The following NRXN3 variants were observed in gnomAD, a reference collection of about 807,000 sequenced individuals.
NRXN3 encodes the protein neurexin 3.
NRXN3 carries 32 observed loss-of-function variants against 137.6 expected under a neutral mutation model. That is an observed-to-expected ratio of 0.23 (90% CI 0.18 to 0.31). The LOEUF (loss-of-function observed/expected upper bound fraction) is 0.31. NRXN3 is among the 10% of genes least tolerant of loss of function. NRXN3 has a pLI of 1.00. For missense variants in NRXN3, 1,574 were observed against 2,062.5 expected (o/e 0.76, Z 4.59); for synonymous variants, 798 against 784.5 (o/e 1.02, Z -0.29).
intron 15 of NRXN3, among the ~76,000 whole-genome samples, chr14:79,333,531 C>T (rs1171162436): frequency 2.0e-5 from 3 of 152,116 alleles, no homozygotes; most frequent in Non-Finnish European, 4.4e-5. Flanking sequence ...TTCTTCTTCC[C>T]ACCATTGGAG....
intron 15 of NRXN3, among the ~76,000 whole-genome samples, chr14:79,453,047 T>C (rs1427187164): frequency 6.6e-6 from 1 of 152,242 alleles, no homozygotes; most frequent in Non-Finnish European, 1.5e-5. Flanking sequence ...TGATCTCTTA[T>C]GTGGCTCTTG....
intron 15 of NRXN3, among the ~76,000 whole-genome samples, chr14:79,105,477 T>C (rs1167738735): frequency 6.6e-6 from 1 of 152,130 alleles, no homozygotes; most frequent in Non-Finnish European, 1.5e-5. Context: ...ACAATACATT[T>C]CTCTGGTTGA....
intron 4 of NRXN3, among the ~76,000 whole-genome samples, chr14:78,327,579 T>A (rs1161655052): frequency 6.6e-6 from 1 of 152,158 alleles, no homozygotes; most frequent in East Asian, 1.9e-4. Context: ...GGATTTTTGT[T>A]GTTGTTTGGC....
At chr14:78,266,169 A>G (rs778950912) in intron 2 of NRXN3, among the ~76,000 whole-genome samples, 1 of 152,226 alleles carries the variant, frequency 6.6e-6, no homozygotes, top group Non-Finnish European at 1.5e-5. Flanking sequence ...TTAGAGTACA[A>G]CAGAAATTAT....
At position 79,603,774 on chromosome 14, in the gene NRXN3, C is replaced by T. The variant is rs558317643; in HGVS notation, c.3445-60004C>T. Among the ~76,000 whole-genome samples the T allele has an allele frequency of 2.9e-3, 446 of 152,038 alleles. 3 individuals carry two copies. Among genetic ancestry groups the T allele is most frequent in the African/African-American group, 0.011 (440 of 41,456 alleles). Reference sequence around the variant, plus strand: ...TTCAGTTAATGAAAACTTGGTACAACCAAAGGAAAATGAATTATCAGAGTT... The same window carrying T: ...TTCAGTTAATGAAAACTTGGTACAATCAAAGGAAAATGAATTATCAGAGTT... On this transcript the variant is annotated intron_variant, in intron 16 of 20. Coordinates refer to ENST00000335750, the MANE Select transcript of NRXN3 (RefSeq NM_001330195.2).
intron 15 of NRXN3, among the ~76,000 whole-genome samples, chr14:79,284,685 G>A (rs1387285019): frequency 6.6e-6 from 1 of 152,008 alleles, no homozygotes; most frequent in African/African-American, 2.4e-5. Flanking sequence ...CAGAAGTGGT[G>A]GTGATGGGCC....
chr14:79,150,630 C>A (rs2059711747), intron 15 of NRXN3, among the ~76,000 whole-genome samples: 1 of 151,778 alleles, frequency 6.6e-6, no homozygotes, highest in African/African-American at 2.4e-5. Context: ...ATCAGACCTC[C>A]CAGTAGGAGA....
chr14:78,292,651 G>A (rs1181884880), intron 3 of NRXN3, among the ~76,000 whole-genome samples: 1 of 152,096 alleles, frequency 6.6e-6, no homozygotes, highest in African/African-American at 2.4e-5. Context: ...TTTGACATTG[G>A]CAATTCTTAA....
intron 15 of NRXN3, among the ~76,000 whole-genome samples, chr14:79,212,822 A>G (rs550177565): frequency 6.6e-6 from 1 of 152,126 alleles, no homozygotes; most frequent in Admixed American, 6.5e-5. Flanking sequence ...TCTAGGAGAG[A>G]CATATAGTAT....
chr14:78,453,354 G>T (rs1341484400), intron 4 of NRXN3, among the ~76,000 whole-genome samples: 1 of 152,226 alleles, frequency 6.6e-6, no homozygotes, highest in Admixed American at 6.5e-5. Flanking sequence ...GGAAAATAAG[G>T]CAAGGTGCCT....
rs878859470 is a variant in NRXN3, at chr14:78,462,241, A to G, written c.757+164381A>G. 2.6e-5 allele frequency among the ~76,000 whole-genome samples: 4 copies of G among 152,306 alleles called. No homozygotes were observed. In the South Asian group the frequency reaches 6.2e-4, roughly 24 times the overall value. On this transcript the variant is annotated intron_variant, in intron 4 of 20. Transcript: ENST00000335750. The stretch of plus-strand genomic sequence containing the variant: ...TCCATGGATATCTTCTAAGATGGTC[A>G]TGATAATGTCAGTCTTCAAAGTAGC...
chr14:78,612,020 G>A (rs1244831711), intron 4 of NRXN3, among the ~76,000 whole-genome samples: 1 of 152,132 alleles, frequency 6.6e-6, no homozygotes, highest in East Asian at 1.9e-4. Context: ...AGAAGGGCGT[G>A]GTGTGCTCTT....
intron 16 of NRXN3, among the ~76,000 whole-genome samples, chr14:79,479,551 A>G (rs1030837225): frequency 6.6e-6 from 1 of 151,918 alleles, no homozygotes; most frequent in South Asian, 2.1e-4. Flanking sequence ...TATATGTTGG[A>G]TGTGTTGAAT....
chr14:78,291,444 T>A (rs1325281472), intron 3 of NRXN3, among the ~76,000 whole-genome samples: 1 of 152,250 alleles, frequency 6.6e-6, no homozygotes, highest in Non-Finnish European at 1.5e-5. Context: ...AATGCTAAGA[T>A]GTGTATTTCA....
intron 4 of NRXN3, among the ~76,000 whole-genome samples, chr14:78,332,444 T>C (rs2080946576): frequency 6.6e-6 from 1 of 151,802 alleles, no homozygotes; most frequent in South Asian, 2.1e-4. Flanking sequence ...GCCTCCTGAG[T>C]AGCTGGGATT....
chr14:79,520,100 C>A (rs2097048201), intron 16 of NRXN3, among the ~76,000 whole-genome samples: 1 of 151,882 alleles, frequency 6.6e-6, no homozygotes, highest in Non-Finnish European at 1.5e-5. Context: ...ATAATTCTGA[C>A]ACCTTCATTG....
intron 8 of NRXN3, among the ~76,000 whole-genome samples, chr14:78,725,579 A>G (rs1020371038): frequency 2.6e-5 from 4 of 152,358 alleles, no homozygotes; most frequent in African/African-American, 9.6e-5. Context: ...CTTCTGTGGA[A>G]ATCCACAAAG....
At chr14:78,251,029 GC>G (rs755646547) in intron 2 of NRXN3, among the ~76,000 whole-genome samples, 6 of 152,134 alleles carry the variant, frequency 3.9e-5, no homozygotes, top group Non-Finnish European at 5.9e-5. Context: ...TCAATTCCCA[GC>G]CTCAAAACTC....
intron 4 of NRXN3, among the ~76,000 whole-genome samples, chr14:78,555,308 T>G (rs753998822): frequency 9.2e-5 from 14 of 152,214 alleles, no homozygotes; most frequent in Non-Finnish European, 1.8e-4. Context: ...TTTTAAAGAT[T>G]ATCCTTTAAT....
Sources: gnomAD v4.1 joint callset for allele counts (sites outside exome capture counted in the v4.1 genomes callset) on GRCh38, gnomAD v4.1.1 for gene constraint, MANE v1.5 for transcripts, NCBI Gene and HGNC (gene_info 2026-07-23, HGNC 2026-07-21) for gene names.